Variants in SOX5 observed in about 807,000 individuals in gnomAD.
The protein encoded by SOX5 is SRY-box transcription factor 5, also known as transcription factor SOX-5.
A neutral mutation model predicts 92.0 loss-of-function variants in SOX5; 9 were observed. That is an observed-to-expected ratio of 0.10 (90% CI 0.06 to 0.17). SOX5 has a LOEUF of 0.17. SOX5 is among the 10% of genes least tolerant of loss of function. The probability of loss-of-function intolerance (pLI) is 1.00; values close to 1 mark genes in which losing one functional copy is unlikely to be tolerated. For synonymous variants in SOX5, 344 were observed against 336.3 expected (o/e 1.02, Z -0.25); for missense variants, 642 against 944.5 (o/e 0.68, Z 4.20).
chr12:23,652,446 C>T (rs1156232886), intron 7 of SOX5, among the ~76,000 whole-genome samples: 1 of 151,538 alleles, frequency 6.6e-6, no homozygotes. Context: ...CTTATCCAAT[C>T]TCATGGTTCA....
chr12:24,424,807 T>TGC (rs139281287), intron 1 of SOX5, among the ~76,000 whole-genome samples: 1 of 131,166 alleles, frequency 7.6e-6, no homozygotes, highest in Admixed American at 8.1e-5. Flanking sequence ...AGTTTTTTTT[T>TGC]TGGGGGGGGG....
intron 2 of SOX5, among the ~76,000 whole-genome samples, chr12:24,343,838 G>T (rs1024604644): frequency 6.6e-6 from 1 of 152,160 alleles, no homozygotes; most frequent in African/African-American, 2.4e-5. Context: ...GTGAGGACAG[G>T]AGAAGCAATG....
In SOX5 at chr12:23,899,816, A is replaced by T. The variant is rs190800138; in HGVS notation, c.39-3792T>A. Among the ~76,000 whole-genome samples, 271 of 152,330 alleles carry T rather than the reference A, an allele frequency of 1.8e-3. 3 individuals are homozygous for T. Among genetic ancestry groups the T allele is most frequent in the African/African-American group, 5.9e-3 (245 of 41,580 alleles). On this transcript the variant is annotated intron_variant, in intron 1 of 14. Transcript: ENST00000451604. ...CAAGACACTTATTTAATGGGAATAA[A>T]AAACCTATTTCTCGGCCTCTGGTTA...
At chr12:24,261,300 C>A (rs1227461344) in intron 3 of SOX5, among the ~76,000 whole-genome samples, 1 of 152,112 alleles carries the variant, frequency 6.6e-6, no homozygotes, top group Non-Finnish European at 1.5e-5. Flanking sequence ...ATGGACTCAT[C>A]CTGAACAGTT....
chr12:24,239,181 CACTCT>C (rs1178661543), intron 3 of SOX5, among the ~76,000 whole-genome samples: 1 of 152,188 alleles, frequency 6.6e-6, no homozygotes, highest in Non-Finnish European at 1.5e-5. Context: ...TGGATTACTG[CACTCT>C]ACTCAGAGGA....
At chr12:23,978,185 CA>C (rs1172322681) in intron 4 of SOX5, among the ~76,000 whole-genome samples, 1 of 152,062 alleles carries the variant, frequency 6.6e-6, no homozygotes, top group East Asian at 1.9e-4. Context: ...GGTAAATTTC[CA>C]AGAACAGATT....
intron 1 of SOX5, among the ~76,000 whole-genome samples, chr12:24,481,235 A>G (rs1945955239): frequency 6.6e-6 from 1 of 152,156 alleles, no homozygotes. Context: ...GATAAAGAGT[A>G]GAAGGATGGT....
Position 24,256,816 on chromosome 12 carries a change from C to T in SOX5, c.-77+20400G>A, listed in dbSNP as rs573628020. On this transcript the variant is annotated intron_variant, in intron 3 of 4. Transcript: ENST00000446891. ...CGAAAACTGCCATGTACAGTTACCC[C>T]GTTATTGTCATCTGCCTGCTGCATG... Among the ~76,000 whole-genome samples, 6 of 152,276 alleles carry T rather than the reference C, an allele frequency of 3.9e-5. No homozygotes were observed. In the South Asian group the frequency reaches 1.2e-3, roughly 32 times the overall value.
intron 3 of SOX5, among the ~76,000 whole-genome samples, chr12:23,834,755 T>G (rs1203052649): frequency 1.3e-5 from 2 of 151,726 alleles, no homozygotes; most frequent in Non-Finnish European, 2.9e-5. Flanking sequence ...TGAAAATAGC[T>G]TGGAGGCAAG....
At chr12:23,732,353 A>G (rs1183294881) in intron 6 of SOX5, among the ~76,000 whole-genome samples, 1 of 152,212 alleles carries the variant, frequency 6.6e-6, no homozygotes, top group Non-Finnish European at 1.5e-5. Context: ...GCAGTAGACT[A>G]AACAATTCAA....
chr12:23,807,303 A>G (rs542976673), intron 3 of SOX5, among the ~76,000 whole-genome samples: 73 of 152,296 alleles, frequency 4.8e-4, no homozygotes, highest in Non-Finnish European at 8.4e-4. Context: ...ATGTAACCTT[A>G]CTTGGGACAC....
At chr12:23,670,971 G>A (rs1023285239) in intron 6 of SOX5, among the ~76,000 whole-genome samples, 1 of 152,112 alleles carries the variant, frequency 6.6e-6, no homozygotes, top group Non-Finnish European at 1.5e-5. Flanking sequence ...CAGGGGAAGA[G>A]AAGCAGACTG....
At chr12:24,226,516 G>A (rs1180121037) in intron 3 of SOX5, among the ~76,000 whole-genome samples, 1 of 151,898 alleles carries the variant, frequency 6.6e-6, no homozygotes, top group Non-Finnish European at 1.5e-5. Flanking sequence ...TATCCCCCAG[G>A]CTGGAGTGCA....
At chr12:24,356,121 C>A (rs1441846378) in intron 2 of SOX5, among the ~76,000 whole-genome samples, 1 of 152,044 alleles carries the variant, frequency 6.6e-6, no homozygotes, top group African/African-American at 2.4e-5. Context: ...AGATAGCAAA[C>A]TTGAAAAACT....
intron 4 of SOX5, among the ~76,000 whole-genome samples, chr12:23,973,308 G>A (rs1294596064): frequency 6.6e-6 from 1 of 151,358 alleles, no homozygotes; most frequent in African/African-American, 2.4e-5. Flanking sequence ...CTACAGGCAC[G>A]CACCACCATG....
intron 1 of SOX5, among the ~76,000 whole-genome samples, chr12:24,447,926 T>C (rs1335935305): frequency 6.6e-6 from 1 of 152,066 alleles, no homozygotes; most frequent in Non-Finnish European, 1.5e-5. Flanking sequence ...CACTCCTGTA[T>C]TTCCAGCACT....
chr12:23,874,473 T>G (rs774753419), intron 2 of SOX5, among the ~76,000 whole-genome samples: 4 of 152,182 alleles, frequency 2.6e-5, no homozygotes, highest in Non-Finnish European at 4.4e-5. Context: ...GTATTCTCTT[T>G]TTAAAATTTC....
intron 4 of SOX5, among the ~76,000 whole-genome samples, chr12:24,168,824 G>C (rs896157309): frequency 5.3e-5 from 8 of 152,200 alleles, no homozygotes; most frequent in Non-Finnish European, 1.0e-4. Context: ...GCGTGCATGT[G>C]CCTGTAGGTC....
At chr12:23,919,609 G>A (rs1042483414) in intron 1 of SOX5, among the ~76,000 whole-genome samples, 1 of 152,130 alleles carries the variant, frequency 6.6e-6, no homozygotes, top group African/African-American at 2.4e-5. Flanking sequence ...CCATGCCAGT[G>A]AGTACTATTC....
Sources: gnomAD v4.1 joint callset for allele counts (sites outside exome capture counted in the v4.1 genomes callset) on GRCh38, gnomAD v4.1.1 for gene constraint, MANE v1.5 for transcripts, NCBI Gene and HGNC (gene_info 2026-07-23, HGNC 2026-07-21) for gene names.